The following HECTD4 variants were observed in gnomAD, a reference collection of about 807,000 sequenced individuals.
HECTD4 encodes HECT domain E3 ubiquitin protein ligase 4.
A neutral mutation model predicts 471.5 loss-of-function variants in HECTD4; 114 were observed. The ratio of observed to expected loss-of-function variants is 0.24; its 90% confidence interval spans 0.21 to 0.28. The LOEUF (loss-of-function observed/expected upper bound fraction) is 0.28. HECTD4 is among the 10% of genes least tolerant of loss of function. HECTD4 has a pLI of 1.00. For synonymous variants in HECTD4, 2,012 were observed against 2,256.0 expected (o/e 0.89, Z 3.07); for missense variants, 3,866 against 5,651.5 (o/e 0.68, Z 10.13).
chr12:112,270,576 A>C, intron 11 of HECTD4, 117 bp from the exon 12 acceptor site: 1 of 834,044 alleles, frequency 1.2e-6, no homozygotes, highest in South Asian at 1.6e-5. Context: ...TTTGGCTATA[A>C]TCTCTTTCAC....
chr12:112,207,852 A>T, intron 52 of HECTD4, 22 bp downstream of exon 52: 1 of 1,612,518 alleles, frequency 6.2e-7, no homozygotes, highest in Non-Finnish European at 8.5e-7. Context: ...TAACCTCCTT[A>T]GCAGAACAAA....
Position 112,256,338 on chromosome 12 carries a change from C to G in HECTD4, c.3309G>C (p.Ser1103=). 6.2e-7 allele frequency: 1 copy of G among 1,602,812 alleles called. No homozygotes were observed. Among genetic ancestry groups the G allele is most frequent in the Non-Finnish European group, 8.5e-7 (1 of 1,175,552 alleles). The change falls in exon 21 of 76, where the codon TCG becomes TCC. Residue 1103 remains serine, a synonymous_variant. Coordinates refer to ENST00000682272, the MANE Select transcript of HECTD4 (RefSeq NM_001388303.1). ...LYLRFDSRCS[S]QYDYDKLVIY... is the part of the protein sequence containing the mutation. ...TACTTACTTTGTCATAGTCATATTGCGAAGAGCATCTGCTATCAAATCTAA... is the reference window on the plus strand; with the variant it reads ...TACTTACTTTGTCATAGTCATATTGGGAAGAGCATCTGCTATCAAATCTAA...
At chr12:112,305,635 C>G (rs2035256595) in intron 7 of HECTD4, among the ~76,000 whole-genome samples, 1 of 152,132 alleles carries the variant, frequency 6.6e-6, no homozygotes, top group African/African-American at 2.4e-5. Context: ...ACTCCCACCA[C>G]CTAGACAGAA....
intron 13 of HECTD4, 144 bp downstream of exon 13, chr12:112,269,560 C>A: frequency 1.2e-6 from 1 of 836,004 alleles, no homozygotes. Flanking sequence ...AAACCCCTCT[C>A]CAGTGAAATT....
rs375739030 is a variant in HECTD4, at chr12:112,252,502, G to C, written c.3474C>G (p.Ser1158=). 6.8e-6 allele frequency: 11 copies of C among 1,612,252 alleles called. No homozygotes were observed. The East Asian group carries it at 1.3e-4, about 20-fold the overall frequency. ...GTTCACGGCCACTTCTCATTTCAAA[G>C]GAGAAGGTGACTGTATCTCCTTCCA... ...VKVEGDTVTF[S]FEMRSGREHN... Residue 1158 remains serine, a synonymous_variant, in exon 23 of 76, where the codon TCC becomes TCG. Transcript: ENST00000682272.
intron 60 of HECTD4, among the ~76,000 whole-genome samples, chr12:112,189,014 TC>T (rs990525512): frequency 6.6e-6 from 1 of 152,280 alleles, no homozygotes; most frequent in African/African-American, 2.4e-5. Context: ...TCTGCTTACG[TC>T]CCCCCTATCC....
chr12:112,275,538 G>A (rs1014070497), intron 9 of HECTD4, among the ~76,000 whole-genome samples: 3 of 152,080 alleles, frequency 2.0e-5, no homozygotes, highest in South Asian at 4.2e-4. Flanking sequence ...CTCATTTCTA[G>A]AGTGGAAATA....
At chr12:112,221,046 G>T (rs760735013) in intron 44 of HECTD4, among the ~76,000 whole-genome samples, 6 of 152,084 alleles carry the variant, frequency 3.9e-5, no homozygotes, top group Non-Finnish European at 8.8e-5. Context: ...CTGCTTCCCA[G>T]GCTCAAGTGA....
At chr12:112,183,556 T>C (rs775659091) in intron 61 of HECTD4, among the ~76,000 whole-genome samples, 16 of 152,162 alleles carry the variant, frequency 1.1e-4, no homozygotes, top group Non-Finnish European at 2.1e-4. Context: ...TCTGAGGAAG[T>C]CCCCATGAAG....
rs2031163632 is a variant in HECTD4 at position 112,170,337 on chromosome 12, C to T, written c.12048G>A (p.Val4016=). Residue 4016 remains valine, a synonymous_variant, in exon 69 of 76, where the codon GTG becomes GTA. Coordinates refer to ENST00000682272, the MANE Select transcript of HECTD4 (RefSeq NM_001388303.1). ...GCTCTCCGCAGCCAACCCCACCTCC[C>T]ACAATTTCCAGTGGGTCCAAGGTGA... is the stretch of plus-strand genomic sequence containing the variant. ...PEITLDPLEI[V]GGEIRASENS... is the part of the protein sequence containing the mutation. 1.2e-6 allele frequency: 2 copies of T among 1,613,918 alleles called. No homozygotes were observed. The highest frequency in any genetic ancestry group is 1.7e-6 in the Non-Finnish European group (2 of 1,179,882).
rs771121054 is a variant in HECTD4 at position 112,235,242 on chromosome 12, G to A, written c.5750C>T (p.Thr1917Ile). The A allele has an allele frequency of 6.2e-6, 10 of 1,613,686 alleles. No individual in the cohort carries two copies. Among genetic ancestry groups the A allele is most frequent in the African/African-American group, 1.3e-5 (1 of 74,914 alleles). Residue 1917 changes from threonine (T) to isoleucine (I), a missense_variant, in exon 37 of 76, where the codon ACC becomes ATC. Physicochemically the swap from Thr to Ile is moderately conservative, Grantham distance 89. Coordinates refer to ENST00000682272, the MANE Select transcript of HECTD4 (RefSeq NM_001388303.1). This position sits in a 1 kb window ranked among gnomAD's most constrained non-coding sequence, Gnocchi z 5.0. ...VPGCQTVLSP[T>I]ASEPDTTLTK... ...CAATGTGGTGTCAGGTTCAGAAGCGGTTGGAGAAAGAACTGTCTGACATCC... is the reference window on the plus strand; with the variant it reads ...CAATGTGGTGTCAGGTTCAGAAGCGATTGGAGAAAGAACTGTCTGACATCC...
At chr12:112,251,410 G>A (rs1371288731) in intron 23 of HECTD4, among the ~76,000 whole-genome samples, 1 of 152,210 alleles carries the variant, frequency 6.6e-6, no homozygotes, top group African/African-American at 2.4e-5. Context: ...ATGAAATAAA[G>A]AAGCCTGATT....
chr12:112,319,260 A>C lies in HECTD4; in HGVS notation c.660T>G (p.Asn220Lys). The C allele has an allele frequency of 6.5e-7, 1 of 1,536,140 alleles. No individual in the cohort carries two copies. Among genetic ancestry groups the C allele is most frequent in the Non-Finnish European group, 8.7e-7 (1 of 1,146,896 alleles). ...GRHIPHKQKE[N>K]AAAALVALAC... is the part of the protein sequence containing the mutation. The stretch of plus-strand genomic sequence containing the variant: ...CCAAAGCCACCAGGGCAGCAGCAGC[A>C]TTTTCTTTTTGCTTATGTGGGATGT... Residue 220 changes from asparagine to lysine, a missense_variant, in exon 2 of 76, where the codon AAT (asparagine) becomes AAG (lysine). By Grantham distance (94) the Asn-to-Lys change is moderately conservative. Transcript: ENST00000682272. The surrounding 1 kb of genome is among the most constrained non-coding windows in gnomAD (Gnocchi z 5.3).
At chr12:112,253,874 A>C (rs948563197) in intron 22 of HECTD4, among the ~76,000 whole-genome samples, 169 bp downstream of exon 22, 1 of 152,230 alleles carries the variant, frequency 6.6e-6, no homozygotes, top group African/African-American at 2.4e-5. Context: ...AAGTGAAAGG[A>C]GGGTCATTCT....
chr12:112,207,392 C>G (rs887432179), intron 52 of HECTD4, among the ~76,000 whole-genome samples: 16 of 150,288 alleles, frequency 1.1e-4, no homozygotes, highest in Admixed American at 2.7e-4. Context: ...ATCCACCCAC[C>G]TCAGCCTCCT....
intron 1 of HECTD4, among the ~76,000 whole-genome samples, chr12:112,332,353 A>G (rs1290146529): frequency 1.3e-5 from 2 of 151,922 alleles, no homozygotes; most frequent in Non-Finnish European, 2.9e-5. Flanking sequence ...GCCAACCAAC[A>G]TGGTGAAACC....
At chr12:112,290,283 G>A (rs943155306) in intron 7 of HECTD4, among the ~76,000 whole-genome samples, 1 of 151,740 alleles carries the variant, frequency 6.6e-6, no homozygotes, top group Non-Finnish European at 1.5e-5. Flanking sequence ...TCATACCACT[G>A]CACTCCAGCC....
chr12:112,246,408 C>T (rs566720720), intron 29 of HECTD4, among the ~76,000 whole-genome samples: 15 of 152,156 alleles, frequency 9.9e-5, no homozygotes, highest in African/African-American at 3.6e-4. Context: ...CCAAGGTGGG[C>T]GGATCACCAG....
chr12:112,290,789 G>A (rs189531613), intron 7 of HECTD4, among the ~76,000 whole-genome samples: 4 of 148,522 alleles, frequency 2.7e-5, no homozygotes, highest in Admixed American at 6.9e-5. Flanking sequence ...AGGAGGTTGC[G>A]GTGAGCTGAG....
Sources: gnomAD v4.1 joint callset for allele counts (sites outside exome capture counted in the v4.1 genomes callset) on GRCh38, gnomAD v4.1.1 for gene constraint, Gnocchi (gnomAD v3.1) non-coding constraint, MANE v1.5 for transcripts, NCBI Gene and HGNC (gene_info 2026-07-23, HGNC 2026-07-21) for gene names.